The following TENT2 variants were observed in gnomAD, a reference collection of about 807,000 sequenced individuals.
TENT2 encodes the protein terminal nucleotidyltransferase 2.
TENT2 carries 44 observed loss-of-function variants against 72.2 expected under a neutral mutation model. The observed-to-expected ratio is 0.61, with a 90% CI of 0.48 to 0.78. TENT2 has a LOEUF of 0.78. TENT2 is among the 30% of genes least tolerant of loss of function. The pLI, the probability that TENT2 is intolerant of heterozygous loss-of-function variation, is 0.00. For synonymous variants in TENT2, 212 were observed against 192.5 expected (o/e 1.10, Z -0.84); for missense variants, 541 against 569.6 (o/e 0.95, Z 0.51).
chr5:79,665,602 C>T (rs974018054), intron 11 of TENT2, among the ~76,000 whole-genome samples: 19 of 152,042 alleles, frequency 1.2e-4, no homozygotes, highest in African/African-American at 4.1e-4. Flanking sequence ...TCTAAAGGAT[C>T]AACATTTAAA....
chr5:79,676,764 T>A (rs1014537912), intron 12 of TENT2, among the ~76,000 whole-genome samples: 1 of 152,184 alleles, frequency 6.6e-6, no homozygotes, highest in Non-Finnish European at 1.5e-5. Context: ...CCATATCTGT[T>A]CTTCTTTCTG....
At chr5:79,649,457 G>A (rs1479757615) in intron 10 of TENT2, among the ~76,000 whole-genome samples, 1 of 142,332 alleles carries the variant, frequency 7.0e-6, no homozygotes, top group East Asian at 2.0e-4. Flanking sequence ...CCACTGTATT[G>A]TGGACCCATT....
In TENT2 at chr5:79,659,568, A is replaced by AG. The variant is rs1561547549; in HGVS notation, c.1071+2567_1071+2568insG. Among the ~76,000 whole-genome samples the AG allele has an allele frequency of 1.1e-3, 116 of 107,912 alleles. 15 individuals are homozygous for AG. Among genetic ancestry groups the AG allele is most frequent in the African/African-American group, 4.4e-3 (113 of 25,664 alleles). 70.8% of individuals were successfully genotyped at this position (107,912 alleles called of 152,430 possible). Reference sequence around the variant, plus strand: ...AAAAAAAAAAAATGTATATATATATATATATATATATATATATATATATAT... The same window carrying AG: ...AAAAAAAAAAAATGTATATATATATAGTATATATATATATATATATATATAT... On this transcript the variant is annotated intron_variant, in intron 11 of 14. Transcript: ENST00000453514.
intron 11 of TENT2, among the ~76,000 whole-genome samples, chr5:79,663,988 TAAAAA>T (rs1342346987): frequency 6.6e-6 from 1 of 151,828 alleles, no homozygotes; most frequent in Non-Finnish European, 1.5e-5. Flanking sequence ...TCAGGAAAAA[TAAAAA>T]TACAACAATA....
rs1168849605 is a variant in TENT2, at chr5:79,659,556, G to GTGTATATA, written c.1071+2556_1071+2557insGTATATAT. 5.0e-4 allele frequency among the ~76,000 whole-genome samples: 17 copies of GTGTATATA among 34,276 alleles called. No individual in the cohort carries two copies. In the East Asian group the frequency reaches 0.01, roughly 21 times the overall value. 22.5% of individuals were successfully genotyped at this position (34,276 alleles called of 152,430 possible). ...CAAAAAAAAAAAAAAAAAAAAAAAT[G>GTGTATATA]TATATATATATATATATATATATAT... On this transcript the variant is annotated intron_variant, in intron 11 of 14. Coordinates refer to ENST00000453514, the MANE Select transcript of TENT2 (RefSeq NM_001114394.3).
intron 11 of TENT2, among the ~76,000 whole-genome samples, chr5:79,659,653 C>G (rs1321573673): frequency 7.5e-6 from 1 of 133,502 alleles, no homozygotes; most frequent in African/African-American, 2.7e-5. Context: ...ATTTTATACA[C>G]AATTTAAAAA....
rs371186120 is a variant in TENT2, at chr5:79,645,979, A to G, written c.821+787A>G. ...TTTTGTGGTCATTTCGTGGACATAC[A>G]CAGAGTAATGAAAATTTCAGATCAC... On this transcript the variant is annotated intron_variant, in intron 8 of 14. Coordinates refer to ENST00000453514, the MANE Select transcript of TENT2 (RefSeq NM_001114394.3). 1.1e-3 allele frequency among the ~76,000 whole-genome samples: 172 copies of G among 152,286 alleles called. 1 individual carries two copies. The highest frequency in any genetic ancestry group is 3.9e-3 in the African/African-American group (161 of 41,570).
chr5:79,648,601 ATTTT>A lies in TENT2; in HGVS notation c.822-13_822-10del, dbSNP rs755009936. 6.7e-7 allele frequency: 1 copy of A among 1,484,008 alleles called. No homozygotes were observed. The highest frequency in any genetic ancestry group is 9.1e-7 in the Non-Finnish European group (1 of 1,094,576). 91.9% of individuals were successfully genotyped at this position (1,484,008 alleles called of 1,614,324 possible). A position where few individuals can be genotyped will look rare whatever the true frequency, so the allele number is the denominator to read the frequency against. Reference sequence around the variant, plus strand: ...TCAGCTAAAGTTTATTTATTTATTTATTTTTTCTTAAATAGTTGTGTGGAGTTTG... The same window carrying A: ...TCAGCTAAAGTTTATTTATTTATTTATTCTTAAATAGTTGTGTGGAGTTTG... On this transcript the variant is annotated splice_polypyrimidine_tract_variant and intron_variant, in intron 8 of 14. Transcript: ENST00000453514.
rs114338158 is a variant in TENT2, at chr5:79,663,894, C to T, written c.1072-4998C>T. Among the ~76,000 whole-genome samples the T allele has an allele frequency of 8.8e-3, 1,333 of 152,158 alleles. 16 individuals carry two copies. The highest frequency in any genetic ancestry group is 0.026 in the African/African-American group (1,081 of 41,502). On this transcript the variant is annotated intron_variant, in intron 11 of 14. Transcript: ENST00000453514. ...TACAGTAAAGTGAAGTGCAACAAAA[C>T]GAGGTGTGCCTGTATATATACAGTG...
At chr5:79,627,060 G>A (rs1278713248) in intron 4 of TENT2, among the ~76,000 whole-genome samples, 1 of 151,740 alleles carries the variant, frequency 6.6e-6, no homozygotes, top group Non-Finnish European at 1.5e-5. Flanking sequence ...AACCCGGGAG[G>A]CGGAGGTTAC....
chr5:79,682,197 A>C, intron 14 of TENT2, 136 bp downstream of exon 14: 1 of 511,698 alleles, frequency 2.0e-6, no homozygotes, highest in Non-Finnish European at 3.4e-6. Context: ...AGAACTTATT[A>C]TTTGAATTTA....
chr5:79,670,202 A>G (rs573427956), intron 12 of TENT2, among the ~76,000 whole-genome samples: 1 of 151,674 alleles, frequency 6.6e-6, no homozygotes, highest in Non-Finnish European at 1.5e-5. Context: ...CTGGGCAACA[A>G]GAGCGAAACT....
intron 11 of TENT2, among the ~76,000 whole-genome samples, chr5:79,667,250 T>C (rs186983252): frequency 6.6e-6 from 1 of 152,354 alleles, no homozygotes; most frequent in Admixed American, 6.5e-5. Flanking sequence ...CTAATTGTGC[T>C]TGGTGCTAGG....
intron 9 of TENT2, 158 bp downstream of exon 9, chr5:79,648,851 T>C: frequency 1.3e-6 from 1 of 793,984 alleles, no homozygotes; most frequent in South Asian, 1.9e-5. Context: ...ATACTGTCAG[T>C]TATAGGTGAA....
intron 2 of TENT2, 81 bp downstream of exon 2, chr5:79,619,866 T>C (rs1282514185): frequency 6.6e-7 from 1 of 1,521,006 alleles, no homozygotes; most frequent in African/African-American, 1.4e-5. Flanking sequence ...TATGAAACTT[T>C]TGAACATGGA....
intron 12 of TENT2, 29 bp downstream of exon 12, chr5:79,669,057 C>A: frequency 6.2e-7 from 1 of 1,605,332 alleles, no homozygotes; most frequent in South Asian, 1.1e-5. Flanking sequence ...TGTGTTTGTT[C>A]ACTTATATGT....
At chr5:79,639,489 T>C (rs1782744011) in intron 4 of TENT2, among the ~76,000 whole-genome samples, 2 of 151,832 alleles carry the variant, frequency 1.3e-5, no homozygotes, top group South Asian at 4.2e-4. Context: ...TTTTTTTTTT[T>C]ATATTGACCT....
chr5:79,663,251 A>G (rs988891275), intron 11 of TENT2, among the ~76,000 whole-genome samples: 1 of 152,202 alleles, frequency 6.6e-6, no homozygotes, highest in Admixed American at 6.5e-5. Flanking sequence ...CATATCAGCA[A>G]TAAGGCTGTT....
intron 11 of TENT2, among the ~76,000 whole-genome samples, chr5:79,659,556 GTATATA>G (rs71855117): frequency 0.083 from 2,836 of 34,232 alleles, 191 homozygotes; most frequent in South Asian, 0.14. Flanking sequence ...AAAAAAAAAT[GTATATA>G]TATATATATA....
Sources: allele counts gnomAD v4.1 joint callset (sites outside exome capture counted in the v4.1 genomes callset), GRCh38; gene constraint gnomAD v4.1.1; transcripts MANE v1.5; gene names NCBI Gene and HGNC (gene_info 2026-07-23, HGNC 2026-07-21).